PSD3: variants seen among roughly 807,000 people sequenced by gnomAD.
PSD3 encodes pleckstrin and Sec7 domain containing 3.
Under a neutral mutation model 105.5 loss-of-function variants are expected in PSD3, and 49 were observed. The ratio of observed to expected loss-of-function variants is 0.46; its 90% CI spans 0.37 to 0.59. PSD3 has a LOEUF of 0.59. Ranked by LOEUF, PSD3 falls within the 20% of genes least tolerant of loss-of-function variation. The pLI is 0.00. For missense variants in PSD3, 1,561 were observed against 1,263.8 expected, an observed-to-expected ratio of 1.24 and a Z score of -3.57; for synonymous variants, 557 against 457.8, an observed-to-expected ratio of 1.22 and a Z score of -2.77.
intron 2 of PSD3, among the ~76,000 whole-genome samples, chr8:18,912,679 C>T (rs920082279): frequency 1.3e-5 from 2 of 152,184 alleles, no homozygotes; most frequent in Non-Finnish European, 2.9e-5. Flanking sequence ...ACCAGGGCTG[C>T]TTCAGTCCCG....
chr8:18,616,354 C>G (rs1024289711), intron 11 of PSD3, among the ~76,000 whole-genome samples: 1 of 152,200 alleles, frequency 6.6e-6, no homozygotes, highest in Non-Finnish European at 1.5e-5. Context: ...GCCCTGCAAA[C>G]AGAAGTAGCT....
chr8:18,799,128 T>G, intron 8 of PSD3, 167 bp downstream of exon 8: 1 of 628,332 alleles, frequency 1.6e-6, no homozygotes, highest in South Asian at 1.8e-5. Flanking sequence ...TGCTAGCATG[T>G]GAAATAAAAA....
chr8:19,007,819 T>C (rs1004413359), intron 1 of PSD3, among the ~76,000 whole-genome samples: 1 of 152,200 alleles, frequency 6.6e-6, no homozygotes, highest in Non-Finnish European at 1.5e-5. Flanking sequence ...GGTTAATTTT[T>C]CTTCAAGGGA....
chr8:18,689,083 C>A (rs902945547), intron 9 of PSD3, among the ~76,000 whole-genome samples: 2 of 152,148 alleles, frequency 1.3e-5, no homozygotes, highest in Non-Finnish European at 2.9e-5. Flanking sequence ...TAACAAGGGA[C>A]CTAGTTAATG....
In PSD3 at chr8:18,689,068, G is replaced by C. The variant is rs576373995; in HGVS notation, c.2173-33383C>G. Among the ~76,000 whole-genome samples, 64 of 152,244 alleles carry C rather than the reference G, an allele frequency of 4.2e-4. 1 individual carries two copies. Among genetic ancestry groups the C allele is most frequent in the African/African-American group, 1.3e-3 (55 of 41,562 alleles). ...CCGTTTGGTAGATAAACCCTAAAAG[G>C]CTTCTAACAAGGGACCTAGTTAATG... On this transcript the variant is annotated intron_variant, in intron 9 of 15. Coordinates refer to ENST00000327040, the MANE Select transcript of PSD3 (RefSeq NM_015310.4).
At chr8:18,822,246 T>C (rs1270166082) in intron 4 of PSD3, among the ~76,000 whole-genome samples, 9 of 152,204 alleles carry the variant, frequency 5.9e-5, no homozygotes, top group East Asian at 1.9e-4. Flanking sequence ...GAAGGTCTTG[T>C]ACATGATACA....
At chr8:18,870,354 G>T (rs1485370401) in intron 3 of PSD3, among the ~76,000 whole-genome samples, 1 of 152,184 alleles carries the variant, frequency 6.6e-6, no homozygotes, top group Non-Finnish European at 1.5e-5. Context: ...GATGGGTCAC[G>T]TCTGCCATTT....
intron 2 of PSD3, among the ~76,000 whole-genome samples, chr8:18,893,097 T>C (rs1278938621): frequency 1.3e-5 from 2 of 152,124 alleles, no homozygotes; most frequent in African/African-American, 4.8e-5. Flanking sequence ...CAGCATCAAA[T>C]TGCAAGGTCA....
chr8:19,051,594 C>T (rs920224668), intron 1 of PSD3, among the ~76,000 whole-genome samples: 10 of 152,244 alleles, frequency 6.6e-5, no homozygotes, highest in African/African-American at 2.4e-4. Context: ...GAAATTGGCT[C>T]TGAGGCAGCA....
chr8:18,690,787 G>A (rs1460668824), intron 9 of PSD3, among the ~76,000 whole-genome samples: 1 of 152,162 alleles, frequency 6.6e-6, no homozygotes, highest in East Asian at 1.9e-4. Context: ...TTCGACCCCA[G>A]CCTGCTGAAC....
At chr8:18,715,249 C>G (rs560598907) in intron 9 of PSD3, among the ~76,000 whole-genome samples, 1 of 152,152 alleles carries the variant, frequency 6.6e-6, no homozygotes, top group Non-Finnish European at 1.5e-5. Flanking sequence ...TGTAACAAAC[C>G]TGCACATCCT....
rs961829619 is a variant in PSD3 at position 18,548,605 on chromosome 8, G to C, written c.2928+7604C>G. On this transcript the variant is annotated intron_variant, in intron 15 of 15. Transcript: ENST00000327040. ...TCTTGATCCTGCAAGGCTGAGTGCTGAGAGCCTCCCATTTGCGTGCCCTTG... is the reference window on the plus strand; with the variant it reads ...TCTTGATCCTGCAAGGCTGAGTGCTCAGAGCCTCCCATTTGCGTGCCCTTG... Among the ~76,000 whole-genome samples the C allele has an allele frequency of 3.3e-5, 5 of 152,182 alleles. No individual in the cohort carries two copies. In the East Asian group the frequency reaches 9.7e-4, roughly 29 times the overall value.
chr8:18,804,799 G>A lies in PSD3; in HGVS notation c.1734C>T (p.Thr578=), dbSNP rs1438139504. 3 of 1,613,902 alleles carry A rather than the reference G, an allele frequency of 1.9e-6. No individual in the cohort carries two copies. The highest frequency in any genetic ancestry group is 2.5e-6 in the Non-Finnish European group (3 of 1,179,952). ...KETPENLSNG[T]SSNVEAAKRL... ...TTTTGGCTGCTTCCACATTGCTGCT[G>A]GTACCATTACTGAGATTTTCTGGGG... Residue 578 remains threonine (T), a synonymous_variant, in exon 5 of 16, where the codon ACC becomes ACT. Coordinates refer to ENST00000327040, the MANE Select transcript of PSD3 (RefSeq NM_015310.4).
intron 11 of PSD3, among the ~76,000 whole-genome samples, chr8:18,603,294 T>C (rs949513834): frequency 6.6e-6 from 1 of 152,206 alleles, no homozygotes; most frequent in Non-Finnish European, 1.5e-5. Flanking sequence ...TTCTTTTTTT[T>C]AATGCTATTG....
intron 4 of PSD3, among the ~76,000 whole-genome samples, chr8:18,814,019 G>A (rs191182929): frequency 6.6e-6 from 1 of 152,218 alleles, no homozygotes; most frequent in Non-Finnish European, 1.5e-5. Flanking sequence ...TTAGCGCTCA[G>A]TAGGAATACT....
chr8:18,946,765 T>C (rs6586787), intron 1 of PSD3, among the ~76,000 whole-genome samples: 147,751 of 151,372 alleles, frequency 0.98, 72,198 homozygotes, highest in Middle Eastern at 1. Flanking sequence ...GTTAGCTAGG[T>C]GCTGGGGGGA....
intron 1 of PSD3, among the ~76,000 whole-genome samples, chr8:19,071,492 G>A (rs1000124433): frequency 6.6e-6 from 1 of 152,128 alleles, no homozygotes; most frequent in Non-Finnish European, 1.5e-5. Context: ...GGTTAGAAAT[G>A]TTCTGGGTAG....
chr8:18,762,499 A>T (rs1373449628), intron 9 of PSD3, among the ~76,000 whole-genome samples: 1 of 151,986 alleles, frequency 6.6e-6, no homozygotes, highest in Non-Finnish European at 1.5e-5. Context: ...CTCAAACATC[A>T]CCTCCTCCCA....
intron 2 of PSD3, among the ~76,000 whole-genome samples, chr8:18,930,828 A>G (rs1821703361): frequency 6.6e-6 from 1 of 152,108 alleles, no homozygotes; most frequent in African/African-American, 2.4e-5. Flanking sequence ...TTGGCCTCCC[A>G]AAGTGCTGGG....
Sources: gnomAD v4.1 joint callset for allele counts (sites outside exome capture counted in the v4.1 genomes callset) on GRCh38, gnomAD v4.1.1 for gene constraint, MANE v1.5 for transcripts, NCBI Gene and HGNC (gene_info 2026-07-23, HGNC 2026-07-21) for gene names.